The following PPM1L variants were observed in gnomAD, a reference collection of about 807,000 sequenced individuals.
PPM1L encodes protein phosphatase, Mg2+/Mn2+ dependent 1L.
PPM1L carries 13 observed loss-of-function variants against 31.4 expected under a neutral mutation model. The ratio of observed to expected loss-of-function variants is 0.41; its 90% confidence interval spans 0.27 to 0.66. The LOEUF is 0.66. Ranked by LOEUF, PPM1L falls within the 30% of genes least tolerant of loss-of-function variation. The pLI is 0.29. For missense variants in PPM1L, 326 were observed against 453.7 expected (o/e 0.72, Z 2.56); for synonymous variants, 184 against 175.4 (o/e 1.05, Z -0.39).
In PPM1L at chr3:161,057,019, C is replaced by T. The variant is rs568840102; in HGVS notation, c.575-8384C>T. On this transcript the variant is annotated intron_variant, in intron 2 of 3. Coordinates refer to ENST00000498165, the MANE Select transcript of PPM1L (RefSeq NM_139245.4). Reference sequence around the variant, plus strand: ...CGGAGGTTGCAGTGAGCCGAGATCGCGCCACTGCACTCCAGCCCGGGCAAC... The same window carrying T: ...CGGAGGTTGCAGTGAGCCGAGATCGTGCCACTGCACTCCAGCCCGGGCAAC... Among the ~76,000 whole-genome samples, 14 of 152,066 alleles carry T rather than the reference C, an allele frequency of 9.2e-5. No homozygotes were observed. In the South Asian group the frequency reaches 2.1e-3, roughly 23 times the overall value.
chr3:160,866,399 C>T (rs1280583948), intron 1 of PPM1L, among the ~76,000 whole-genome samples: 3 of 152,214 alleles, frequency 2.0e-5, no homozygotes, highest in African/African-American at 4.8e-5. Flanking sequence ...CAAAACTTTA[C>T]AATTTCATTC....
At chr3:160,951,307 A>G (rs1715570194) in intron 1 of PPM1L, among the ~76,000 whole-genome samples, 1 of 152,196 alleles carries the variant, frequency 6.6e-6, no homozygotes, top group Non-Finnish European at 1.5e-5. Flanking sequence ...TATCCCTGGA[A>G]TATGTGTAAT....
At chr3:160,914,624 A>AT (rs1490491549) in intron 1 of PPM1L, among the ~76,000 whole-genome samples, 4 of 151,920 alleles carry the variant, frequency 2.6e-5, no homozygotes, top group Non-Finnish European at 4.4e-5. Flanking sequence ...TGAACTCATC[A>AT]TTTTTTATGG....
At chr3:160,933,237 T>C (rs1270635089) in intron 1 of PPM1L, among the ~76,000 whole-genome samples, 1 of 152,092 alleles carries the variant, frequency 6.6e-6, no homozygotes, top group Non-Finnish European at 1.5e-5. Context: ...AGAAAGCAAT[T>C]TGTTGTTTTT....
chr3:160,950,262 A>AC (rs1329761390), intron 1 of PPM1L, among the ~76,000 whole-genome samples: 5 of 151,920 alleles, frequency 3.3e-5, no homozygotes, highest in Admixed American at 3.3e-4. Flanking sequence ...TTAGCATACT[A>AC]CCCCTCCTTA....
intron 1 of PPM1L, among the ~76,000 whole-genome samples, chr3:160,783,506 A>G (rs181137450): frequency 0.011 from 1,611 of 151,818 alleles, 34 homozygotes; most frequent in African/African-American, 0.037. Context: ...AGGCTGAGGC[A>G]GGAGAATTGC....
intron 1 of PPM1L, among the ~76,000 whole-genome samples, chr3:160,807,474 T>G (rs183562191): frequency 1.3e-5 from 2 of 152,354 alleles, no homozygotes; most frequent in Admixed American, 1.3e-4. Flanking sequence ...ACTTAGACAT[T>G]TATTGAGTTT....
chr3:161,019,487 C>A (rs1187957390), intron 2 of PPM1L, among the ~76,000 whole-genome samples: 1 of 152,156 alleles, frequency 6.6e-6, no homozygotes, highest in Non-Finnish European at 1.5e-5. Flanking sequence ...CATGAGTCAA[C>A]ATGTCTGGCC....
chr3:161,016,054 G>T (rs1396188542), intron 2 of PPM1L, among the ~76,000 whole-genome samples: 3 of 152,124 alleles, frequency 2.0e-5, no homozygotes, highest in African/African-American at 7.2e-5. Flanking sequence ...ACCAAAAGGT[G>T]TGTCTATATC....
intron 2 of PPM1L, among the ~76,000 whole-genome samples, chr3:160,996,063 G>T (rs559408911): frequency 6.6e-6 from 1 of 152,136 alleles, no homozygotes; most frequent in Non-Finnish European, 1.5e-5. Context: ...AGTGATCAGG[G>T]AAATGCAAAT....
At chr3:160,897,266 C>T (rs1713368033) in intron 1 of PPM1L, among the ~76,000 whole-genome samples, 1 of 152,106 alleles carries the variant, frequency 6.6e-6, no homozygotes, top group African/African-American at 2.4e-5. Context: ...TGGTCTCGAT[C>T]TCTTGACCTC....
chr3:161,044,330 G>A (rs1030971210), intron 2 of PPM1L, among the ~76,000 whole-genome samples: 2 of 150,648 alleles, frequency 1.3e-5, no homozygotes, highest in African/African-American at 4.9e-5. Context: ...GTGAGCCACT[G>A]CACCTGGCCT....
chr3:160,937,194 ACT>A (rs1294170622), intron 1 of PPM1L, among the ~76,000 whole-genome samples: 1 of 152,194 alleles, frequency 6.6e-6, no homozygotes, highest in African/African-American at 2.4e-5. Flanking sequence ...AGAAAAGTAA[ACT>A]CTATGAATAT....
intron 1 of PPM1L, among the ~76,000 whole-genome samples, chr3:160,793,653 G>A (rs1712163721): frequency 6.6e-6 from 1 of 152,116 alleles, no homozygotes. Context: ...CTTTTAGAAG[G>A]TGAACTTTGG....
chr3:161,013,941 A>T (rs958241242), intron 2 of PPM1L, among the ~76,000 whole-genome samples: 4 of 152,130 alleles, frequency 2.6e-5, no homozygotes, highest in Admixed American at 6.5e-5. Flanking sequence ...GGGTCTCCTG[A>T]ATATGGCACA....
chr3:160,834,609 A>G (rs868505574), intron 1 of PPM1L, among the ~76,000 whole-genome samples: 23 of 151,728 alleles, frequency 1.5e-4, no homozygotes, highest in African/African-American at 5.3e-4. Flanking sequence ...TCTTTTCTCC[A>G]TCTATATAGT....
intron 2 of PPM1L, among the ~76,000 whole-genome samples, chr3:160,992,614 TTCTC>T (rs1321974487): frequency 2.0e-5 from 3 of 152,224 alleles, no homozygotes; most frequent in African/African-American, 7.2e-5. Flanking sequence ...ACTCAGCTCT[TTCTC>T]TCTTTGCATG....
intron 2 of PPM1L, among the ~76,000 whole-genome samples, chr3:161,042,712 A>C (rs1718945508): frequency 6.6e-6 from 1 of 152,222 alleles, no homozygotes; most frequent in South Asian, 2.1e-4. Context: ...ATCGTACTTA[A>C]TATTTAAAAA....
chr3:160,928,650 C>T (rs1714679982), intron 1 of PPM1L, among the ~76,000 whole-genome samples: 1 of 152,088 alleles, frequency 6.6e-6, no homozygotes, highest in Non-Finnish European at 1.5e-5. Context: ...GAGGTAGGGC[C>T]TTTAGGAGAT....
Sources: allele counts gnomAD v4.1 joint callset (sites outside exome capture counted in the v4.1 genomes callset), GRCh38; gene constraint gnomAD v4.1.1; transcripts MANE v1.5; gene names NCBI Gene and HGNC (gene_info 2026-07-23, HGNC 2026-07-21).